The following RHCG variants were observed in gnomAD, a reference collection of about 807,000 sequenced individuals.
RHCG encodes the protein ammonium transporter Rh type C.
In RHCG, 39 loss-of-function variants were observed where a neutral mutation model predicts 55.3. That is an observed-to-expected ratio of 0.70 (90% CI 0.55 to 0.92). The LOEUF is 0.92. Among genes scored for constraint, RHCG ranks in the 40% least tolerant of loss-of-function variants. The pLI is 0.00. For missense variants in RHCG, 635 were observed against 627.9 expected (o/e 1.01, Z -0.12); for synonymous variants, 250 against 246.8 (o/e 1.01, Z -0.12).
intron 3 of RHCG, among the ~76,000 whole-genome samples, chr15:89,481,789 G>GT (rs201227992): frequency 3.4e-3 from 517 of 151,074 alleles, no homozygotes; most frequent in Non-Finnish European, 4.2e-3. Flanking sequence ...TTATTTATTT[G>GT]TTTTTTTTTG....
chr15:89,472,387 C>T (rs1961054998), intron 10 of RHCG, among the ~76,000 whole-genome samples: 1 of 152,156 alleles, frequency 6.6e-6, no homozygotes, highest in South Asian at 2.1e-4. Context: ...AATCGAGGCC[C>T]AGTCTCTGGG....
intron 2 of RHCG, among the ~76,000 whole-genome samples, chr15:89,484,665 A>C (rs1251529342): frequency 1.3e-5 from 2 of 151,874 alleles, no homozygotes; most frequent in Admixed American, 6.6e-5. Flanking sequence ...CTGTAATCCT[A>C]GCTACTCAGG....
chr15:89,479,779 G>A (rs1276329598), intron 4 of RHCG: 1 of 455,652 alleles, frequency 2.2e-6, no homozygotes, highest in African/African-American at 2.0e-5. Context: ...TTTCTCTACT[G>A]TAGGGAGATC....
rs114570321 is a variant in RHCG, at chr15:89,477,752, C to T, written c.975+85G>A. On this transcript the variant is annotated intron_variant, in intron 6 of 10. Transcript: ENST00000268122. The surrounding 1 kb of genome is among the most constrained non-coding windows in gnomAD (Gnocchi z 4.5). The stretch of plus-strand genomic sequence containing the variant: ...CCCAGGATTCTCTAGCCCTCAGCCC[C>T]CTCCCTAGGAACCCTCAGCTCACTG... 3 of 1,603,652 alleles carry T rather than the reference C, an allele frequency of 1.9e-6. No homozygotes were observed. The highest frequency in any genetic ancestry group is 2.7e-5 in the African/African-American group (2 of 74,730).
intron 1 of RHCG, among the ~76,000 whole-genome samples, chr15:89,488,964 G>T (rs1596408049): frequency 6.6e-6 from 1 of 152,130 alleles, no homozygotes; most frequent in African/African-American, 2.4e-5. Context: ...AATAGTTAAG[G>T]GTAGAGGGCC....
chr15:89,479,481 G>A lies in RHCG; in HGVS notation c.678C>T (p.Leu226=), dbSNP rs1474835678. The A allele has an allele frequency of 1.9e-6, 3 of 1,612,154 alleles. No homozygotes were observed. The highest frequency in any genetic ancestry group is 3.3e-5 in the Admixed American group (2 of 59,802). ...AGCTGGGCCAGTACATCCACAGGAA[G>A]AGGGTGCCTGGTCAGACCAGACAGG... ...QSDLFAMIGT[L]FLWMYWPSFN... Residue 226 remains leucine (L), a synonymous_variant, in exon 5 of 11, where the codon CTC becomes CTT. Transcript: ENST00000268122.
chr15:89,478,167 T>A (rs1314951454), intron 5 of RHCG, among the ~76,000 whole-genome samples, 193 bp from the exon 6 acceptor site: 1 of 152,232 alleles, frequency 6.6e-6, no homozygotes, highest in Non-Finnish European at 1.5e-5. Flanking sequence ...AGCTGCTCCC[T>A]GTGCCTCTCT....
In RHCG at chr15:89,477,271, C is replaced by G; in HGVS notation, c.1113-65G>C. ...AGGCCAAGTAACAGCTTGCTGCCAC[C>G]CCAAAAATGTGACCGGGTACCACGG... is the stretch of plus-strand genomic sequence containing the variant. On this transcript the variant is annotated intron_variant, in intron 7 of 10. Coordinates refer to ENST00000268122, the MANE Select transcript of RHCG (RefSeq NM_016321.3). The surrounding 1 kb of genome is among the most constrained non-coding windows in gnomAD (Gnocchi z 4.5). 6.3e-7 allele frequency: 1 copy of G among 1,597,004 alleles called. No individual in the cohort carries two copies. The highest frequency in any genetic ancestry group is 1.7e-5 in the Admixed American group (1 of 58,646).
chr15:89,477,620 T>A lies in RHCG; in HGVS notation c.1009A>T (p.Thr337Ser). 2 of 1,614,138 alleles carry A rather than the reference T, an allele frequency of 1.2e-6. No individual in the cohort carries two copies. The highest frequency in any genetic ancestry group is 3.3e-5 in the Admixed American group (2 of 60,026). The change falls in exon 7 of 11, where the codon ACA (threonine) becomes TCA (serine). Residue 337 changes from threonine to serine, a missense_variant. Thr to Ser is a moderately conservative substitution (Grantham distance 58, BLOSUM62 1). Transcript: ENST00000268122. This position sits in a 1 kb window ranked among gnomAD's most constrained non-coding sequence, Gnocchi z 4.5. ...FLESRLHIQD[T>S]CGINNLHGIP... Reference sequence around the variant, plus strand: ...CCATGCAGATTGTTAATGCCACATGTGTCCTGGATGTGCAGCCGGGACTCC... The same window carrying A: ...CCATGCAGATTGTTAATGCCACATGAGTCCTGGATGTGCAGCCGGGACTCC...
At position 89,495,065 on chromosome 15, in the gene RHCG, A is replaced by T. The variant is rs143822822; in HGVS notation, c.184+1296T>A. Among the ~76,000 whole-genome samples, 1,399 of 152,296 alleles carry T rather than the reference A, an allele frequency of 9.2e-3. 24 individuals carry two copies. Among genetic ancestry groups the T allele is most frequent in the African/African-American group, 0.032 (1,333 of 41,558 alleles). ...TCCCAAGGCTGCAGCTGTCTAAGAT[A>T]TCTTTTAAAAAACAGCCCTAAATGG... On this transcript the variant is annotated intron_variant, in intron 1 of 10. Coordinates refer to ENST00000268122, the MANE Select transcript of RHCG (RefSeq NM_016321.3).
chr15:89,494,640 T>C (rs930489153), intron 1 of RHCG, among the ~76,000 whole-genome samples: 9 of 151,580 alleles, frequency 5.9e-5, no homozygotes, highest in East Asian at 5.8e-4. Context: ...TTCTTTCTTT[T>C]TTTTTTTTTT....
chr15:89,494,018 C>T lies in RHCG; in HGVS notation c.184+2343G>A, dbSNP rs574476104. On this transcript the variant is annotated intron_variant, in intron 1 of 10. Coordinates refer to ENST00000268122, the MANE Select transcript of RHCG (RefSeq NM_016321.3). ...CCTGCTCCATTGGCCAAGAGCTCTCCAGGAGAACTAGCAGGGGAAACTCAA... is the reference window on the plus strand; with the variant it reads ...CCTGCTCCATTGGCCAAGAGCTCTCTAGGAGAACTAGCAGGGGAAACTCAA... Among the ~76,000 whole-genome samples, 15 of 152,248 alleles carry T rather than the reference C, an allele frequency of 9.9e-5. No individual in the cohort carries two copies. The South Asian group carries it at 2.3e-3, about 23-fold the overall frequency.
At chr15:89,493,403 T>C (rs1476341222) in intron 1 of RHCG, among the ~76,000 whole-genome samples, 1 of 152,232 alleles carries the variant, frequency 6.6e-6, no homozygotes, top group African/African-American at 2.4e-5. Flanking sequence ...AGTCCCCAGC[T>C]GGCTCCATGC....
At position 89,479,432 on chromosome 15, in the gene RHCG, C is replaced by T. The variant is rs1312177369; in HGVS notation, c.727G>A (p.Gly243Arg). The T allele has an allele frequency of 6.2e-7, 1 of 1,614,068 alleles. No homozygotes were observed. ...PSFNSAISYH[G>R]DSQHRAAINT... ...ATGGCGGCTCGGTGCTGGCTGTCCC[C>T]ATGGTAGGATATGGCTGAGTTGAAG... The change falls in exon 5 of 11, where the codon GGG becomes AGG. Residue 243 changes from glycine (G) to arginine (R), a missense_variant. Coordinates refer to ENST00000268122, the MANE Select transcript of RHCG (RefSeq NM_016321.3).
At position 89,477,327 on chromosome 15, in the gene RHCG, C is replaced by T. The variant is rs1961170270; in HGVS notation, c.1113-121G>A. 3.5e-6 allele frequency: 5 copies of T among 1,441,824 alleles called. No homozygotes were observed. The highest frequency in any genetic ancestry group is 1.8e-5 in the Admixed American group (1 of 54,056). The allele number at this position is 1,441,824 out of a possible 1,614,324, so 89.3% of individuals were successfully genotyped here. A position where few individuals can be genotyped will look rare whatever the true frequency, so the allele number is the denominator to read the frequency against. On this transcript the variant is annotated intron_variant, in intron 7 of 10. Coordinates refer to ENST00000268122, the MANE Select transcript of RHCG (RefSeq NM_016321.3). The surrounding 1 kb of genome is among the most constrained non-coding windows in gnomAD (Gnocchi z 4.5). ...AGCCTTCCCACCCACAACATGGGGACACCGGACATATCAGTTGGCCTCTAA... is the reference window on the plus strand; with the variant it reads ...AGCCTTCCCACCCACAACATGGGGATACCGGACATATCAGTTGGCCTCTAA...
At chr15:89,473,839 T>A (rs1186497126) in intron 9 of RHCG, among the ~76,000 whole-genome samples, 11 of 152,158 alleles carry the variant, frequency 7.2e-5, no homozygotes, top group Admixed American at 5.9e-4. Flanking sequence ...TCAAGGTATA[T>A]AGAGCTGAGA....
Position 89,472,852 on chromosome 15 carries a change from C to G in RHCG, c.1323G>C (p.Gly441=). 6.7e-7 allele frequency: 1 copy of G among 1,497,774 alleles called. No individual in the cohort carries two copies. Among genetic ancestry groups the G allele is most frequent in the Non-Finnish European group, 9.0e-7 (1 of 1,115,954 alleles). The allele number at this position is 1,497,774 out of a possible 1,614,324, so 92.8% of individuals were successfully genotyped here. The change falls in exon 10 of 11, where the codon GGG becomes GGC. Residue 441 remains glycine, a synonymous_variant. Transcript: ENST00000268122. ...CCTCAGGGATGTAGACAGTGCTGTT[C>G]CCTTCAGGCATCTACAGAGAGAGGA... ...EDAVYWEMPE[G]NSTVYIPEDP... is the part of the protein sequence containing the mutation.
At chr15:89,480,688 G>A (rs979010682) in intron 3 of RHCG, among the ~76,000 whole-genome samples, 1 of 152,190 alleles carries the variant, frequency 6.6e-6, no homozygotes, top group African/African-American at 2.4e-5. Flanking sequence ...TACTGCTGGA[G>A]GAGGTAAGGC....
At chr15:89,480,813 C>G (rs1270165354) in intron 3 of RHCG, among the ~76,000 whole-genome samples, 1 of 152,230 alleles carries the variant, frequency 6.6e-6, no homozygotes, top group Non-Finnish European at 1.5e-5. Context: ...CTTAGCAGGG[C>G]TGTTGTCAGG....
Sources: gnomAD v4.1 joint callset for allele counts (sites outside exome capture counted in the v4.1 genomes callset) on GRCh38, gnomAD v4.1.1 for gene constraint, Gnocchi (gnomAD v3.1) non-coding constraint, MANE v1.5 for transcripts, NCBI Gene and HGNC (gene_info 2026-07-23, HGNC 2026-07-21) for gene names.